CHODL: variants seen among roughly 807,000 people sequenced by gnomAD.
CHODL encodes the protein chondrolectin.
A neutral mutation model predicts 34.5 loss-of-function variants in CHODL; 29 were observed. That is an observed-to-expected ratio of 0.84 (90% CI 0.63 to 1.15). The LOEUF is 1.15. Ranked by LOEUF, CHODL falls within the 50% of genes most tolerant of loss-of-function variation. The probability of loss-of-function intolerance (pLI) is 0.00; values close to 1 mark genes in which losing one functional copy is unlikely to be tolerated. For missense variants in CHODL, 332 were observed against 332.5 expected, an observed-to-expected ratio of 1.00 and a Z score of 0.01; for synonymous variants, 125 against 116.1, an observed-to-expected ratio of 1.08 and a Z score of -0.49.
At chr21:17,978,109 T>C (rs2063681307) in intron 1 of CHODL, among the ~76,000 whole-genome samples, 1 of 151,896 alleles carries the variant, frequency 6.6e-6, no homozygotes, top group South Asian at 2.1e-4. Context: ...TGGGGTCTCT[T>C]CACTGGGTAT....
chr21:18,245,175 A>G lies in CHODL; in HGVS notation c.-49A>G, dbSNP rs1601193906. 1.1e-6 allele frequency: 1 copy of G among 902,352 alleles called. No homozygotes were observed. The highest frequency in any genetic ancestry group is 1.5e-6 in the Non-Finnish European group (1 of 646,356). 55.9% of individuals were successfully genotyped at this position (902,352 alleles called of 1,614,324 possible). Reference sequence around the variant, plus strand: ...CAGAGTCGCGGGCTGCGCCCTGGGCAGAGGCCGCCCTCGCTCCACGCAACA... The same window carrying G: ...CAGAGTCGCGGGCTGCGCCCTGGGCGGAGGCCGCCCTCGCTCCACGCAACA... On this transcript the variant is annotated 5_prime_UTR_variant, in exon 1 of 6. Coordinates refer to ENST00000299295, the MANE Select transcript of CHODL (RefSeq NM_024944.3).
rs531300870 is a variant in CHODL, at chr21:17,939,284, T to C, written c.-145+21884T>C. On this transcript the variant is annotated intron_variant, in intron 1 of 6. Transcript: ENST00000400127. ...ACTGCCATTCCACTCTCTGATGATATGGATTTGACTATTTTAGACACTGAA... is the reference window on the plus strand; with the variant it reads ...ACTGCCATTCCACTCTCTGATGATACGGATTTGACTATTTTAGACACTGAA... 2.0e-5 allele frequency among the ~76,000 whole-genome samples: 3 copies of C among 152,336 alleles called. 1 individual carries two copies. In the South Asian group the frequency reaches 6.2e-4, roughly 32 times the overall value.
At chr21:18,168,765 A>G (rs2073188016) in intron 2 of CHODL, among the ~76,000 whole-genome samples, 1 of 152,266 alleles carries the variant, frequency 6.6e-6, no homozygotes, top group Admixed American at 6.5e-5. Context: ...ATGCTTTAAT[A>G]TTGATGAAGT....
At chr21:18,099,620 T>C (rs948425610) in intron 2 of CHODL, among the ~76,000 whole-genome samples, 6 of 152,044 alleles carry the variant, frequency 3.9e-5, no homozygotes, top group African/African-American at 1.2e-4. Context: ...ATCAGAACTT[T>C]ACCCATAATG....
intron 2 of CHODL, among the ~76,000 whole-genome samples, chr21:18,061,778 G>T (rs543476734): frequency 1.1e-4 from 16 of 152,192 alleles, no homozygotes; most frequent in Non-Finnish European, 2.4e-4. Context: ...CCATCTGAGA[G>T]ATCGAGATTT....
intron 2 of CHODL, among the ~76,000 whole-genome samples, chr21:18,208,171 C>CT (rs113821427): frequency 0.17 from 23,579 of 142,862 alleles, 2,288 homozygotes; most frequent in African/African-American, 0.27. Context: ...TCTTCTTCTT[C>CT]TTTTTTTTTT....
chr21:18,150,305 G>A (rs2072947968), intron 2 of CHODL, among the ~76,000 whole-genome samples: 2 of 152,160 alleles, frequency 1.3e-5, no homozygotes, highest in Admixed American at 1.3e-4. Context: ...CTGTGTTGCT[G>A]TTAATGCTGG....
rs546801336 is a variant in CHODL at position 18,215,584 on chromosome 21, G to A, written c.-44-40925G>A. On this transcript the variant is annotated intron_variant, in intron 2 of 6. Coordinates refer to the CHODL transcript ENST00000400127. ...TGAGTTGAAATATATACTTACATCT[G>A]AACAGCAATCCAGATTAATGCTTTT... Among the ~76,000 whole-genome samples the A allele has an allele frequency of 3.9e-5, 6 of 152,238 alleles. No homozygotes were observed. In the East Asian group the frequency reaches 9.6e-4, roughly 24 times the overall value.
At chr21:18,152,541 T>G (rs992464494) in intron 2 of CHODL, among the ~76,000 whole-genome samples, 1 of 152,164 alleles carries the variant, frequency 6.6e-6, no homozygotes, top group Non-Finnish European at 1.5e-5. Context: ...AAAACAGAAG[T>G]CTTTAGTCTT....
intron 1 of CHODL, among the ~76,000 whole-genome samples, chr21:18,013,524 CAAT>C (rs1453656072): frequency 6.6e-6 from 1 of 151,214 alleles, no homozygotes; most frequent in Non-Finnish European, 1.5e-5. Flanking sequence ...ATTTTTAAGA[CAAT>C]AAGTTTTAGA....
intron 1 of CHODL, among the ~76,000 whole-genome samples, chr21:17,919,187 C>T (rs1001612817): frequency 4.6e-5 from 7 of 152,226 alleles, no homozygotes; most frequent in Non-Finnish European, 1.0e-4. Flanking sequence ...GATGATGGCC[C>T]TCTTCTCACA....
intron 2 of CHODL, among the ~76,000 whole-genome samples, chr21:18,064,048 A>C (rs973410193): frequency 2.0e-5 from 3 of 152,158 alleles, no homozygotes; most frequent in African/African-American, 7.2e-5. Flanking sequence ...ATAAATCTTC[A>C]CTTCTAAGAA....
chr21:18,142,973 CAGAATG>C (rs2072820576), intron 2 of CHODL, among the ~76,000 whole-genome samples: 1 of 152,124 alleles, frequency 6.6e-6, no homozygotes, highest in African/African-American at 2.4e-5. Context: ...AATTATATTT[CAGAATG>C]AGAAGACATA....
chr21:18,155,797 T>C (rs1250771560), intron 2 of CHODL, among the ~76,000 whole-genome samples: 2 of 152,198 alleles, frequency 1.3e-5, no homozygotes, highest in Non-Finnish European at 2.9e-5. Flanking sequence ...AGCAGGTCCT[T>C]CAGTCTAGTG....
chr21:18,116,539 A>C (rs1384633835), intron 2 of CHODL, among the ~76,000 whole-genome samples: 1 of 151,910 alleles, frequency 6.6e-6, no homozygotes, highest in Non-Finnish European at 1.5e-5. Context: ...CTTTCCTTTT[A>C]TTTTCTTTTT....
At chr21:18,084,602 G>A (rs1036413102) in intron 2 of CHODL, among the ~76,000 whole-genome samples, 1 of 151,842 alleles carries the variant, frequency 6.6e-6, no homozygotes, top group Non-Finnish European at 1.5e-5. Context: ...ATTGATTTCT[G>A]GCTTTATTCC....
chr21:17,947,805 T>A (rs1488564019), intron 1 of CHODL, among the ~76,000 whole-genome samples: 1 of 152,080 alleles, frequency 6.6e-6, no homozygotes, highest in Non-Finnish European at 1.5e-5. Flanking sequence ...CTCCTAGATA[T>A]CTGTCCAAAG....
At chr21:18,003,997 A>G (rs1600882418) in intron 1 of CHODL, among the ~76,000 whole-genome samples, 1 of 152,376 alleles carries the variant, frequency 6.6e-6, no homozygotes, top group South Asian at 2.1e-4. Context: ...AACAAGGGTC[A>G]TTCGTCTTTC....
chr21:18,121,364 C>A (rs930581415), intron 2 of CHODL, among the ~76,000 whole-genome samples: 1 of 152,152 alleles, frequency 6.6e-6, no homozygotes, highest in African/African-American at 2.4e-5. Flanking sequence ...CATTCAAAGT[C>A]ATTCTGGGCC....
Sources: gnomAD v4.1 joint callset for allele counts (sites outside exome capture counted in the v4.1 genomes callset) on GRCh38, gnomAD v4.1.1 for gene constraint, MANE v1.5 for transcripts, NCBI Gene and HGNC (gene_info 2026-07-23, HGNC 2026-07-21) for gene names.